MACROD2: variants seen among roughly 807,000 people sequenced by gnomAD.
MACROD2 encodes the protein ADP-ribose glycohydrolase MACROD2.
In MACROD2, 36 loss-of-function variants were observed where a neutral mutation model predicts 70.4. That is an observed-to-expected ratio of 0.51 (90% CI 0.39 to 0.68). The LOEUF (loss-of-function observed/expected upper bound fraction) is 0.68, where lower values mean the gene tolerates loss of function less well. Among genes scored for constraint, MACROD2 ranks in the 30% least tolerant of loss-of-function variants. The probability of loss-of-function intolerance (pLI) is 0.00; values close to 1 mark genes in which losing one functional copy is unlikely to be tolerated. For missense variants in MACROD2, 496 were observed against 538.4 expected (o/e 0.92, Z 0.78); for synonymous variants, 172 against 178.8 (o/e 0.96, Z 0.30).
chr20:14,057,438 A>G (rs1466011620), intron 2 of MACROD2, among the ~76,000 whole-genome samples: 1 of 152,200 alleles, frequency 6.6e-6, no homozygotes, highest in Non-Finnish European at 1.5e-5. Context: ...ACCCAATAGA[A>G]TAAATGGGAA....
chr20:14,460,443 C>T (rs970165532), intron 3 of MACROD2, among the ~76,000 whole-genome samples: 1 of 152,056 alleles, frequency 6.6e-6, no homozygotes, highest in African/African-American at 2.4e-5. Context: ...TGGTAACCCA[C>T]TGTGATTTTG....
intron 5 of MACROD2, among the ~76,000 whole-genome samples, chr20:14,931,446 A>G (rs544101486): frequency 5.3e-4 from 81 of 152,082 alleles, no homozygotes; most frequent in Admixed American, 1.7e-3. Context: ...GATGTTCTTC[A>G]TAGATGAGGA....
intron 5 of MACROD2, among the ~76,000 whole-genome samples, chr20:15,052,648 C>A (rs1334415725): frequency 6.6e-6 from 1 of 152,178 alleles, no homozygotes; most frequent in Non-Finnish European, 1.5e-5. Flanking sequence ...TCTCCCTCTC[C>A]TGGAGCCTCC....
rs34556344 is a variant in MACROD2, at chr20:15,647,722, A to ATTTT, written c.645+147887_645+147890dup. On this transcript the variant is annotated intron_variant, in intron 8 of 17. Transcript: ENST00000684519. ...GTAAGTAATGGAGAGACAATAGATG[A>ATTTT]TTTTTTTTTTTTTTTGAGATGGAGT... 8.4e-3 allele frequency among the ~76,000 whole-genome samples: 1,194 copies of ATTTT among 142,472 alleles called. 22 individuals carry two copies. The highest frequency in any genetic ancestry group is 0.039 in the East Asian group (188 of 4,766). The allele number at this position is 142,472 out of a possible 152,430, so 93.5% of individuals were successfully genotyped here.
intron 8 of MACROD2, among the ~76,000 whole-genome samples, chr20:15,676,001 T>C (rs1451542122): frequency 1.3e-5 from 2 of 152,224 alleles, no homozygotes; most frequent in Non-Finnish European, 2.9e-5. Context: ...CTTTCTTGTG[T>C]ATCAAATGGC....
chr20:16,034,311 G>C (rs565613969), intron 15 of MACROD2, among the ~76,000 whole-genome samples: 1 of 151,956 alleles, frequency 6.6e-6, no homozygotes, highest in East Asian at 1.9e-4. Context: ...CTTCAAGCTG[G>C]TGTTGATATT....
intron 4 of MACROD2, among the ~76,000 whole-genome samples, chr20:14,508,728 A>T (rs780563595): frequency 5.3e-5 from 8 of 152,156 alleles, no homozygotes; most frequent in Non-Finnish European, 1.2e-4. Flanking sequence ...TAAGGCCTTA[A>T]TTTTTCAGCA....
intron 10 of MACROD2, among the ~76,000 whole-genome samples, chr20:15,889,871 C>A (rs2064866968): frequency 2.6e-5 from 4 of 152,090 alleles, no homozygotes; most frequent in Admixed American, 2.6e-4. Flanking sequence ...AGACACAGGG[C>A]AAGCTAGAAA....
intron 3 of MACROD2, among the ~76,000 whole-genome samples, chr20:14,473,281 A>G (rs2123051517): frequency 6.6e-6 from 1 of 152,224 alleles, no homozygotes; most frequent in African/African-American, 2.4e-5. Flanking sequence ...ATACTGGCTG[A>G]CCACCCTCTC....
intron 5 of MACROD2, among the ~76,000 whole-genome samples, chr20:15,063,274 A>C (rs1237137010): frequency 6.6e-6 from 1 of 152,202 alleles, no homozygotes; most frequent in Non-Finnish European, 1.5e-5. Flanking sequence ...GTCAAGAAAA[A>C]ACAAATTAAG....
intron 2 of MACROD2, among the ~76,000 whole-genome samples, chr20:14,082,624 T>C (rs1025266655): frequency 1.3e-5 from 2 of 152,214 alleles, no homozygotes; most frequent in African/African-American, 2.4e-5. Flanking sequence ...AATGAAATAA[T>C]ACTTCTTAGA....
chr20:15,298,331 A>AG (rs1351128242), intron 6 of MACROD2, among the ~76,000 whole-genome samples: 1 of 152,196 alleles, frequency 6.6e-6, no homozygotes, highest in Non-Finnish European at 1.5e-5. Flanking sequence ...CCCAGAGTGG[A>AG]GAAAAAGGCA....
intron 13 of MACROD2, among the ~76,000 whole-genome samples, chr20:15,973,365 G>C (rs1239691855): frequency 6.6e-6 from 1 of 152,140 alleles, no homozygotes; most frequent in African/African-American, 2.4e-5. Flanking sequence ...TTGCACATTA[G>C]CCTGACTCCA....
chr20:14,309,318 C>A (rs748594446), intron 3 of MACROD2, among the ~76,000 whole-genome samples: 1 of 152,036 alleles, frequency 6.6e-6, no homozygotes, highest in Non-Finnish European at 1.5e-5. Flanking sequence ...GGAATTTAGT[C>A]CCTAGTTATG....
chr20:14,992,259 A>C (rs566678169), intron 5 of MACROD2, among the ~76,000 whole-genome samples: 1 of 152,316 alleles, frequency 6.6e-6, no homozygotes, highest in South Asian at 2.1e-4. Flanking sequence ...GCAGCATTGC[A>C]TCAGAACTGA....
intron 3 of MACROD2, among the ~76,000 whole-genome samples, chr20:14,345,448 G>A (rs1342890021): frequency 6.6e-6 from 1 of 151,840 alleles, no homozygotes; most frequent in Non-Finnish European, 1.5e-5. Flanking sequence ...CATTATTTAG[G>A]TAATTATAAG....
At chr20:14,429,234 G>A (rs996600440) in intron 3 of MACROD2, among the ~76,000 whole-genome samples, 7 of 152,242 alleles carry the variant, frequency 4.6e-5, no homozygotes, top group African/African-American at 1.4e-4. Flanking sequence ...CTATATATAT[G>A]TATTTATTTC....
At chr20:14,057,379 G>T (rs887867934) in intron 2 of MACROD2, among the ~76,000 whole-genome samples, 1 of 152,124 alleles carries the variant, frequency 6.6e-6, no homozygotes, top group African/African-American at 2.4e-5. Context: ...CTGACAGATG[G>T]CTTATATCCA....
At chr20:14,355,152 A>T (rs1260610615) in intron 3 of MACROD2, among the ~76,000 whole-genome samples, 1 of 152,202 alleles carries the variant, frequency 6.6e-6, no homozygotes, top group Non-Finnish European at 1.5e-5. Context: ...ATTGCAGGGT[A>T]GTTCTAAGTT....
Sources: allele counts gnomAD v4.1 joint callset (sites outside exome capture counted in the v4.1 genomes callset), GRCh38; gene constraint gnomAD v4.1.1; transcripts MANE v1.5; gene names NCBI Gene and HGNC (gene_info 2026-07-23, HGNC 2026-07-21).